ATG7: variants seen among roughly 807,000 people sequenced by gnomAD.
ATG7 encodes the protein autophagy related 7.
A neutral mutation model predicts 82.4 loss-of-function variants in ATG7; 70 were observed. The observed-to-expected ratio is 0.85, with a 90% CI of 0.70 to 1.04. ATG7 has a LOEUF of 1.04. Ranked by LOEUF, ATG7 falls within the 50% of genes least tolerant of loss-of-function variation. ATG7 has a pLI of 0.00. For missense variants in ATG7, 792 were observed against 864.3 expected, an observed-to-expected ratio of 0.92 and a Z score of 1.05; for synonymous variants, 287 against 313.0, an observed-to-expected ratio of 0.92 and a Z score of 0.88.
intron 11 of ATG7, among the ~76,000 whole-genome samples, chr3:11,337,280 C>A (rs984437213): frequency 1.1e-4 from 17 of 152,098 alleles, no homozygotes; most frequent in Non-Finnish European, 2.2e-4. Flanking sequence ...TGGTGAAACC[C>A]CGTCTCTACT....
chr3:11,375,291 A>AT (rs2077331871), intron 18 of ATG7, among the ~76,000 whole-genome samples: 23 of 152,246 alleles, frequency 1.5e-4, no homozygotes, highest in Admixed American at 1.5e-3. Context: ...TATCCAGAAT[A>AT]TGTAACAAAC....
intron 20 of ATG7, among the ~76,000 whole-genome samples, chr3:11,550,879 C>T (rs1020752935): frequency 7.9e-5 from 12 of 151,780 alleles, no homozygotes; most frequent in Non-Finnish European, 2.9e-5. Context: ...TCCCTACTCC[C>T]AGGCTATAAT....
At chr3:11,277,546 C>T (rs893110902) in intron 1 of ATG7, 1 of 152,180 alleles carries the variant, frequency 6.6e-6, no homozygotes, top group East Asian at 1.9e-4. Flanking sequence ...GTGATGCCGA[C>T]CCGAGCTGCA....
intron 19 of ATG7, among the ~76,000 whole-genome samples, chr3:11,404,017 C>A (rs1234707018): frequency 6.6e-6 from 1 of 152,108 alleles, no homozygotes; most frequent in Non-Finnish European, 1.5e-5. Context: ...AAATCTCCCC[C>A]CCAGATTTTT....
intron 20 of ATG7, among the ~76,000 whole-genome samples, chr3:11,482,441 G>A (rs951523915): frequency 2.0e-5 from 3 of 152,128 alleles, no homozygotes; most frequent in Non-Finnish European, 2.9e-5. Flanking sequence ...TATTACTACC[G>A]TATCTTTTTG....
intron 20 of ATG7, among the ~76,000 whole-genome samples, chr3:11,490,133 A>G (rs889202667): frequency 6.6e-6 from 1 of 152,120 alleles, no homozygotes; most frequent in African/African-American, 2.4e-5. Context: ...TAGGTCACTC[A>G]GGACTTGCTT....
At chr3:11,330,249 G>A (rs921973702) in intron 9 of ATG7, among the ~76,000 whole-genome samples, 11 of 152,136 alleles carry the variant, frequency 7.2e-5, no homozygotes, top group African/African-American at 2.7e-4. Flanking sequence ...CCTTTAAGGA[G>A]GGGAAGGTTT....
chr3:11,333,148 C>A, intron 11 of ATG7, 55 bp downstream of exon 11: 1 of 1,481,048 alleles, frequency 6.8e-7, no homozygotes, highest in Non-Finnish European at 9.0e-7. Flanking sequence ...GAAACGGAAC[C>A]AGGTTTACTT....
At chr3:11,443,710 G>C (rs1469660187) in intron 20 of ATG7, among the ~76,000 whole-genome samples, 1 of 152,066 alleles carries the variant, frequency 6.6e-6, no homozygotes, top group Non-Finnish European at 1.5e-5. Flanking sequence ...TGGCCGAGGA[G>C]GTTTGTATTA....
At chr3:11,559,399 C>G (rs201909827), downstream of ATG7, 1 of 1,561,234 alleles carries the variant, frequency 6.4e-7, no homozygotes, top group Non-Finnish European at 8.7e-7. Context: ...TGGGGCAGTG[C>G]GAGAGGTTGC....
In ATG7 at chr3:11,527,065, GTGTGTGTATA is replaced by G. The variant is rs1369630999; in HGVS notation, c.2080-27744_2080-27735del. On this transcript the variant is annotated intron_variant, in intron 20 of 20. Transcript: ENST00000693202. Reference sequence around the variant, plus strand: ...TATGTGTGTGTGTGTGTGTGTGTGTGTGTGTGTATATATATATATATATATATACATACAT... The same window carrying G: ...TATGTGTGTGTGTGTGTGTGTGTGTGTATATATATATATATATACATACAT... 4.2e-3 allele frequency among the ~76,000 whole-genome samples: 406 copies of G among 97,466 alleles called. 1 individual carries two copies. The highest frequency in any genetic ancestry group is 0.015 in the African/African-American group (380 of 25,580). The allele number at this position is 97,466 out of a possible 152,430, so 63.9% of individuals were successfully genotyped here. A position where few individuals can be genotyped will look rare whatever the true frequency, so the allele number is the denominator to read the frequency against.
intron 20 of ATG7, chr3:11,510,364 T>C (rs941302167): frequency 2.5e-5 from 11 of 439,790 alleles, no homozygotes; most frequent in African/African-American, 2.2e-4. Flanking sequence ...TCTTTGTAAG[T>C]TTGTCCCTGC....
chr3:11,398,874 G>C (rs1278137641), intron 19 of ATG7, among the ~76,000 whole-genome samples: 1 of 152,064 alleles, frequency 6.6e-6, no homozygotes, highest in Non-Finnish European at 1.5e-5. Context: ...CTTAAAACAG[G>C]CCCGAAATTA....
At chr3:11,367,877 T>G (rs1237129213) in intron 18 of ATG7, among the ~76,000 whole-genome samples, 1 of 152,032 alleles carries the variant, frequency 6.6e-6, no homozygotes, top group Non-Finnish European at 1.5e-5. Context: ...AAAATCATTT[T>G]GTTGATGTGT....
At chr3:11,416,910 T>C (rs2081416871) in intron 19 of ATG7, among the ~76,000 whole-genome samples, 1 of 152,230 alleles carries the variant, frequency 6.6e-6, no homozygotes, top group South Asian at 2.1e-4. Flanking sequence ...TTCATTTCTA[T>C]TTAGTTTAAA....
intron 20 of ATG7, among the ~76,000 whole-genome samples, chr3:11,492,195 G>T (rs926357884): frequency 6.6e-6 from 1 of 152,200 alleles, no homozygotes; most frequent in Non-Finnish European, 1.5e-5. Flanking sequence ...TCGGAAAGGC[G>T]CAGTATTAGG....
At chr3:11,504,763 A>G (rs995533153) in intron 20 of ATG7, among the ~76,000 whole-genome samples, 2 of 152,198 alleles carry the variant, frequency 1.3e-5, no homozygotes, top group African/African-American at 4.8e-5. Flanking sequence ...GTTGTACAAG[A>G]AAGAATAAGT....
chr3:11,326,811 A>G (rs1450330693), intron 9 of ATG7, among the ~76,000 whole-genome samples: 2 of 152,100 alleles, frequency 1.3e-5, no homozygotes, highest in African/African-American at 2.4e-5. Context: ...GAAGCCCTGG[A>G]CTGGAAATCT....
intron 19 of ATG7, among the ~76,000 whole-genome samples, chr3:11,416,411 A>T (rs1040114300): frequency 1.3e-5 from 2 of 151,912 alleles, no homozygotes; most frequent in African/African-American, 4.8e-5. Context: ...TAGAATTTCC[A>T]TTTTTTTCTT....
Sources: allele counts gnomAD v4.1 joint callset (sites outside exome capture counted in the v4.1 genomes callset), GRCh38; gene constraint gnomAD v4.1.1; transcripts MANE v1.5; gene names NCBI Gene and HGNC (gene_info 2026-07-23, HGNC 2026-07-21).